PRR16: variants seen among roughly 807,000 people sequenced by gnomAD.
The protein encoded by PRR16 is proline rich 16.
A neutral mutation model predicts 18.2 loss-of-function variants in PRR16; 6 were observed. The observed-to-expected ratio is 0.33, with a 90% CI of 0.18 to 0.65. The LOEUF (loss-of-function observed/expected upper bound fraction) is 0.65. Ranked by LOEUF, PRR16 falls within the 30% of genes least tolerant of loss-of-function variation. The probability of loss-of-function intolerance (pLI) is 0.74; values close to 1 mark genes in which losing one functional copy is unlikely to be tolerated. For missense variants in PRR16, 412 were observed against 376.6 expected (o/e 1.09, Z -0.78); for synonymous variants, 151 against 147.8 (o/e 1.02, Z -0.16).
the PRR16 span, among the ~76,000 whole-genome samples, chr5:120,751,761 C>T: frequency 1.3e-5 from 2 of 151,950 alleles, no homozygotes; most frequent in African/African-American, 2.4e-5. Context: ...TATGGAAATA[C>T]TAATCTCATT....
chr5:120,668,768 T>A (rs931878605), intron 1 of PRR16, among the ~76,000 whole-genome samples: 5 of 152,196 alleles, frequency 3.3e-5, no homozygotes, highest in African/African-American at 1.2e-4. Context: ...TCTTTAAGAA[T>A]GTTGAATATT....
intron 1 of PRR16, among the ~76,000 whole-genome samples, chr5:120,593,060 T>C (rs1305438721): frequency 3.3e-5 from 5 of 151,850 alleles, no homozygotes; most frequent in Admixed American, 2.6e-4. Context: ...CATCCAAAAG[T>C]TAGAAAGATC....
chr5:120,745,575 TG>T, the PRR16 span, among the ~76,000 whole-genome samples: 178 of 152,154 alleles, frequency 1.2e-3, 1 homozygote, highest in Non-Finnish European at 2.1e-3. Context: ...CAACAAATAC[TG>T]TCTTTCTCTG....
chr5:120,575,266 A>T (rs1753035724), intron 1 of PRR16, among the ~76,000 whole-genome samples: 1 of 151,598 alleles, frequency 6.6e-6, no homozygotes, highest in Non-Finnish European at 1.5e-5. Flanking sequence ...TAGTAGGATT[A>T]TTCAAATAAT....
At chr5:120,521,854 G>A (rs533336403) in intron 1 of PRR16, among the ~76,000 whole-genome samples, 1 of 152,060 alleles carries the variant, frequency 6.6e-6, no homozygotes, top group East Asian at 1.9e-4. Flanking sequence ...CCTGTGTGTG[G>A]TGTTCCCCAC....
chr5:120,794,378 T>C, the PRR16 span, among the ~76,000 whole-genome samples: 6 of 152,270 alleles, frequency 3.9e-5, no homozygotes, highest in South Asian at 2.1e-4. Context: ...TCCAACAGCA[T>C]GCATTTACTT....
the PRR16 span, among the ~76,000 whole-genome samples, chr5:120,725,907 T>G: frequency 6.6e-6 from 1 of 151,960 alleles, no homozygotes; most frequent in Non-Finnish European, 1.5e-5. Flanking sequence ...AGGAAGGAAA[T>G]TAATAGATTC....
At chr5:120,493,712 G>T (rs891342182) in intron 1 of PRR16, among the ~76,000 whole-genome samples, 4 of 151,940 alleles carry the variant, frequency 2.6e-5, no homozygotes, top group Non-Finnish European at 5.9e-5. Flanking sequence ...TCCTAGCCCC[G>T]GACAATCACT....
At chr5:120,534,412 G>A (rs1024877394) in intron 1 of PRR16, among the ~76,000 whole-genome samples, 1 of 152,080 alleles carries the variant, frequency 6.6e-6, no homozygotes, top group Non-Finnish European at 1.5e-5. Flanking sequence ...GGATATAAAT[G>A]TGATATTCAC....
At chr5:120,667,998 C>T (rs1756454926) in intron 1 of PRR16, among the ~76,000 whole-genome samples, 1 of 152,038 alleles carries the variant, frequency 6.6e-6, no homozygotes, top group South Asian at 2.1e-4. Context: ...AGTTCAATTC[C>T]TGGGTATCCT....
intron 1 of PRR16, among the ~76,000 whole-genome samples, chr5:120,625,345 T>C (rs1754829670): frequency 6.6e-6 from 1 of 152,152 alleles, no homozygotes; most frequent in African/African-American, 2.4e-5. Flanking sequence ...GTTTTATTTT[T>C]TTGAGACAAG....
intron 1 of PRR16, among the ~76,000 whole-genome samples, chr5:120,668,549 T>C (rs1428053290): frequency 6.6e-6 from 1 of 152,208 alleles, no homozygotes; most frequent in African/African-American, 2.4e-5. Context: ...CTTCCTAGTC[T>C]TGATGGTCTT....
At chr5:120,569,600 C>G (rs1346039790) in intron 1 of PRR16, among the ~76,000 whole-genome samples, 1 of 152,088 alleles carries the variant, frequency 6.6e-6, no homozygotes, top group Admixed American at 6.6e-5. Flanking sequence ...GAGAAGATGT[C>G]CATTAAACAG....
chr5:120,496,506 GT>G, intron 1 of PRR16, among the ~76,000 whole-genome samples: 1 of 151,896 alleles, frequency 6.6e-6, no homozygotes, highest in South Asian at 2.1e-4. Context: ...GTTGTTTTTA[GT>G]ATTCCCTTCT....
chr5:120,768,860 G>C, the PRR16 span, among the ~76,000 whole-genome samples: 4 of 151,756 alleles, frequency 2.6e-5, no homozygotes, highest in South Asian at 8.3e-4. Context: ...GTCTTCAGTG[G>C]ATATACTTTT....
At chr5:120,656,750 T>A (rs1412695332) in intron 1 of PRR16, among the ~76,000 whole-genome samples, 1 of 151,986 alleles carries the variant, frequency 6.6e-6, no homozygotes, top group East Asian at 1.9e-4. Flanking sequence ...GTATCATACA[T>A]AAGTGATATA....
At chr5:120,740,735 A>G in the PRR16 span, among the ~76,000 whole-genome samples, 1 of 152,160 alleles carries the variant, frequency 6.6e-6, no homozygotes, top group African/African-American at 2.4e-5. Flanking sequence ...AAAAAAGTTC[A>G]TAGGAATTGG....
chr5:120,599,791 T>TC (rs1486116340), intron 1 of PRR16, among the ~76,000 whole-genome samples: 1 of 151,894 alleles, frequency 6.6e-6, no homozygotes, highest in African/African-American at 2.4e-5. Flanking sequence ...ACCAAGTCTT[T>TC]CCCCATGTAT....
chr5:120,726,605 A>G, the PRR16 span, among the ~76,000 whole-genome samples: 2 of 152,084 alleles, frequency 1.3e-5, no homozygotes, highest in Non-Finnish European at 2.9e-5. Flanking sequence ...TTAGTTTAGT[A>G]TGTTTAATAG....
Sources: gnomAD v4.1 joint callset for allele counts (sites outside exome capture counted in the v4.1 genomes callset) on GRCh38, gnomAD v4.1.1 for gene constraint, MANE v1.5 for transcripts, NCBI Gene and HGNC (gene_info 2026-07-23, HGNC 2026-07-21) for gene names.